The following BSCL2 variants were observed in gnomAD, a reference collection of about 807,000 sequenced individuals.
BSCL2 encodes the protein BSCL2 lipid droplet biogenesis associated, seipin.
Under a neutral mutation model 57.4 loss-of-function variants are expected in BSCL2, and 41 were observed. The ratio of observed to expected loss-of-function variants is 0.71; its 90% CI spans 0.56 to 0.93. The LOEUF (loss-of-function observed/expected upper bound fraction) is 0.93, where lower values mean the gene tolerates loss of function less well. Ranked by LOEUF, BSCL2 falls within the 40% of genes least tolerant of loss-of-function variation. BSCL2 has a pLI of 0.00. For synonymous variants in BSCL2, 237 were observed against 227.3 expected (o/e 1.04, Z -0.38); for missense variants, 539 against 586.7 (o/e 0.92, Z 0.84).
In BSCL2 at chr11:62,707,267, C is replaced by A. The variant is rs1413307514; in HGVS notation, c.-72G>T. On this transcript the variant is annotated 5_prime_UTR_variant, in exon 1 of 11. Transcript: ENST00000360796. Reference sequence around the variant, plus strand: ...TGTGGCTAAAACGTGAAGTGGCGATCCAGACGCTGATACCTGTGGCGCATC... The same window carrying A: ...TGTGGCTAAAACGTGAAGTGGCGATACAGACGCTGATACCTGTGGCGCATC... 7.7e-7 allele frequency: 1 copy of A among 1,298,082 alleles called. No homozygotes were observed. 80.4% of individuals were successfully genotyped at this position (1,298,082 alleles called of 1,614,324 possible). A position where few individuals can be genotyped will look rare whatever the true frequency, so the allele number is the denominator to read the frequency against.
At chr11:62,709,008 AC>A, upstream of BSCL2, 1 of 566,514 alleles carries the variant, frequency 1.8e-6, no homozygotes, top group Non-Finnish European at 3.2e-6. Flanking sequence ...GACCCCAAGC[AC>A]CCCAGAGATA....
chr11:62,693,546 A>C (rs956078839), intron 4 of BSCL2, among the ~76,000 whole-genome samples: 4 of 152,314 alleles, frequency 2.6e-5, no homozygotes, highest in African/African-American at 9.6e-5. Context: ...TGCTAATGGG[A>C]ATTTTACATT....
rs1945626323 is a variant in BSCL2 at position 62,701,153 on chromosome 11, T to A, written c.486+1315A>T. Reference sequence around the variant, plus strand: ...CAGTTTCATAATGTTATATAAATGCTTTCAAAACTCTTGGGTAGATGCCCA... The same window carrying A: ...CAGTTTCATAATGTTATATAAATGCATTCAAAACTCTTGGGTAGATGCCCA... On this transcript the variant is annotated intron_variant, in intron 3 of 10. Transcript: ENST00000360796. 3.3e-5 allele frequency among the ~76,000 whole-genome samples: 5 copies of A among 152,172 alleles called. No individual in the cohort carries two copies. The South Asian group carries it at 1.0e-3, about 32-fold the overall frequency.
chr11:62,706,525 G>C, intron 1 of BSCL2: 1 of 444,364 alleles, frequency 2.3e-6, no homozygotes, highest in Non-Finnish European at 4.5e-6. Flanking sequence ...CCTCCCTGCA[G>C]GCCCCAAGAT....
At chr11:62,698,171 T>G (rs1157958270) in intron 3 of BSCL2, among the ~76,000 whole-genome samples, 3 of 150,856 alleles carry the variant, frequency 2.0e-5, no homozygotes, top group African/African-American at 7.3e-5. Context: ...CCTCCCAAAG[T>G]GCTGGGATTA....
chr11:62,697,354 C>T, intron 3 of BSCL2: 1 of 141,130 alleles, frequency 7.1e-6, no homozygotes. Context: ...GAGATCATGT[C>T]ACTGCACTCC....
intron 3 of BSCL2, among the ~76,000 whole-genome samples, chr11:62,699,095 G>A (rs1204292034): frequency 1.3e-5 from 2 of 152,000 alleles, no homozygotes; most frequent in Non-Finnish European, 2.9e-5. Context: ...TAGTAGAGAC[G>A]GGGTTTCACC....
chr11:62,703,101 G>A (rs1344342139), intron 2 of BSCL2, among the ~76,000 whole-genome samples: 1 of 149,272 alleles, frequency 6.7e-6, no homozygotes, highest in Non-Finnish European at 1.5e-5. Context: ...GGTGAGCCAA[G>A]ATCACGCCAC....
chr11:62,696,499 G>A lies in BSCL2; in HGVS notation c.487-1788C>T, dbSNP rs115645929. 8.6e-3 allele frequency among the ~76,000 whole-genome samples: 1,310 copies of A among 151,486 alleles called. 13 individuals are homozygous for A. The highest frequency in any genetic ancestry group is 0.03 in the African/African-American group (1,255 of 41,228). ...TTTTTTTTTTTTTTGGAGAGACAGG[G>A]GTCTTGCTTTGTTGCTCAGCCTATG... On this transcript the variant is annotated intron_variant, in intron 3 of 10. Transcript: ENST00000360796.
intron 9 of BSCL2, 30 bp from the exon 10 acceptor site, chr11:62,690,722 G>C (rs1387100237): frequency 6.2e-7 from 1 of 1,613,794 alleles, no homozygotes; most frequent in Admixed American, 1.7e-5. Flanking sequence ...GCAGGGGTCA[G>C]ACCCAGACAC....
intron 3 of BSCL2, among the ~76,000 whole-genome samples, chr11:62,696,837 G>A (rs1945482328): frequency 6.6e-6 from 1 of 152,080 alleles, no homozygotes; most frequent in East Asian, 1.9e-4. Context: ...TTATAGGTGT[G>A]AGCCACTGCC....
chr11:62,690,974 G>T, intron 8 of BSCL2, 101 bp downstream of exon 8: 1 of 1,577,238 alleles, frequency 6.3e-7, no homozygotes, highest in East Asian at 2.2e-5. Context: ...TGTCTCAGTC[G>T]GTGATACCCT....
chr11:62,691,450 A>G (rs1945308908), intron 6 of BSCL2, 29 bp from the exon 7 acceptor site: 2 of 1,612,762 alleles, frequency 1.2e-6, no homozygotes, highest in South Asian at 1.1e-5. Context: ...ACAAGAAGGT[A>G]GTAGCAGTTA....
chr11:62,702,602 C>A, intron 2 of BSCL2, 53 bp from the exon 3 acceptor site: 2 of 1,506,698 alleles, frequency 1.3e-6, no homozygotes, highest in South Asian at 2.3e-5. Context: ...CTAGTCCATC[C>A]ATACACCTTC....
At chr11:62,703,985 G>A (rs907622733) in intron 2 of BSCL2, among the ~76,000 whole-genome samples, 1 of 151,282 alleles carries the variant, frequency 6.6e-6, no homozygotes, top group African/African-American at 2.4e-5. Flanking sequence ...GCCAGGTGTG[G>A]TGGCAGGCAC....
At chr11:62,698,676 A>G (rs553035435) in intron 3 of BSCL2, among the ~76,000 whole-genome samples, 2 of 152,350 alleles carry the variant, frequency 1.3e-5, no homozygotes, top group East Asian at 3.9e-4. Context: ...ATTGTCAACA[A>G]ACAAAATGTT....
At position 62,691,484 on chromosome 11, in the gene BSCL2, G is replaced by A; in HGVS notation, c.864-63C>T. 2.5e-6 allele frequency: 4 copies of A among 1,579,706 alleles called. No homozygotes were observed. In the Admixed American group the frequency reaches 5.0e-5, roughly 20 times the overall value. On this transcript the variant is annotated intron_variant, in intron 6 of 10. Coordinates refer to ENST00000360796, the MANE Select transcript of BSCL2 (RefSeq NM_001122955.4). ...TACCAGAGAGCACCAGCCTTCTCAT[G>A]TCCCAGAAATAATTTCTAGGGCAAT...
rs902828050 is a variant in BSCL2 at position 62,692,417 on chromosome 11, A to G, written c.822T>C (p.Tyr274=). 1.2e-6 allele frequency: 2 copies of G among 1,614,188 alleles called. No individual in the cohort carries two copies. The highest frequency in any genetic ancestry group is 1.7e-6 in the Non-Finnish European group (2 of 1,180,044). The change falls in exon 6 of 11, where the codon TAT becomes TAC. Residue 274 remains tyrosine, a synonymous_variant. Transcript: ENST00000360796. The part of the protein sequence containing the change: ...IEIHSKRIQL[Y]GAYLRIHAHF... ...GCGCGTGGATGCGGAGGTAGGCTCCATACAGCTGGATGCGCTTGCTGTGGA... is the reference window on the plus strand; with the variant it reads ...GCGCGTGGATGCGGAGGTAGGCTCCGTACAGCTGGATGCGCTTGCTGTGGA...
intron 8 of BSCL2, 33 bp downstream of exon 8, chr11:62,691,042 C>G (rs1220829133): frequency 1.9e-6 from 3 of 1,613,394 alleles, no homozygotes; most frequent in Non-Finnish European, 2.5e-6. Context: ...TCAACCTAGC[C>G]CACCTCAACA....
Sources: allele counts gnomAD v4.1 joint callset (sites outside exome capture counted in the v4.1 genomes callset), GRCh38; gene constraint gnomAD v4.1.1; transcripts MANE v1.5; gene names NCBI Gene and HGNC (gene_info 2026-07-23, HGNC 2026-07-21).